The following MLIP variants were observed in gnomAD, a reference collection of about 807,000 sequenced individuals.
MLIP encodes muscular LMNA interacting protein, also known as muscular LMNA-interacting protein.
MLIP carries 79 observed loss-of-function variants against 84.8 expected under a neutral mutation model. That is an observed-to-expected ratio of 0.93 (90% CI 0.78 to 1.12). The LOEUF (loss-of-function observed/expected upper bound fraction) is 1.12. MLIP is among the 50% of genes most tolerant of loss of function. The probability of loss-of-function intolerance (pLI) is 0.00; values close to 1 mark genes in which losing one functional copy is unlikely to be tolerated. For missense variants in MLIP, 1,257 were observed against 1,160.6 expected (o/e 1.08, Z -1.21); for synonymous variants, 504 against 463.0 (o/e 1.09, Z -1.14).
intron 1 of MLIP, among the ~76,000 whole-genome samples, chr6:54,102,171 G>T (rs972924280): frequency 5.3e-5 from 8 of 152,132 alleles, no homozygotes; most frequent in Non-Finnish European, 8.8e-5. Context: ...TGTCTCATGT[G>T]CTGGTTGAGC....
intron 13 of MLIP, among the ~76,000 whole-genome samples, chr6:54,264,456 A>G (rs1783574047): frequency 6.6e-6 from 1 of 152,084 alleles, no homozygotes; most frequent in African/African-American, 2.4e-5. Context: ...TTGGAGCACT[A>G]TGACCTTGGG....
intron 12 of MLIP, among the ~76,000 whole-genome samples, chr6:54,255,685 T>G (rs1160748682): frequency 6.6e-6 from 1 of 152,180 alleles, no homozygotes; most frequent in African/African-American, 2.4e-5. Context: ...ACTGAATACC[T>G]GTATTAGAAA....
Position 54,179,634 on chromosome 6 carries a change from T to C in MLIP, c.2544+10062T>C, listed in dbSNP as rs1405041444. On this transcript the variant is annotated intron_variant, in intron 9 of 13. Transcript: ENST00000502396. The stretch of plus-strand genomic sequence containing the variant: ...TACTATCTTATTCATTATTTTAAAC[T>C]GATGACAACACTTGACACTAATTGC... 2.0e-5 allele frequency among the ~76,000 whole-genome samples: 3 copies of C among 152,116 alleles called. No individual in the cohort carries two copies. The East Asian group carries it at 5.8e-4, about 29-fold the overall frequency.
intron 1 of MLIP, among the ~76,000 whole-genome samples, chr6:54,022,031 A>G (rs1053367557): frequency 1.3e-5 from 2 of 152,218 alleles, no homozygotes; most frequent in African/African-American, 4.8e-5. Context: ...TTGTAACAAT[A>G]TGTTTCAATT....
intron 9 of MLIP, among the ~76,000 whole-genome samples, chr6:54,186,674 T>A (rs541264540): frequency 8.5e-5 from 13 of 152,190 alleles, no homozygotes; most frequent in Middle Eastern, 6.8e-3. Flanking sequence ...ATAAAAACCA[T>A]CAGCTTTTGT....
chr6:54,236,494 C>G (rs1781369260), intron 12 of MLIP, among the ~76,000 whole-genome samples: 1 of 152,058 alleles, frequency 6.6e-6, no homozygotes, highest in Non-Finnish European at 1.5e-5. Context: ...CCCAGCTACT[C>G]AAGAGGCTGA....
At chr6:54,054,648 A>G (rs1025858860) in intron 1 of MLIP, among the ~76,000 whole-genome samples, 11 of 152,208 alleles carry the variant, frequency 7.2e-5, no homozygotes, top group Non-Finnish European at 1.3e-4. Flanking sequence ...CATGAATAAT[A>G]TAGAAATCAT....
chr6:54,241,476 T>C (rs541127592), intron 12 of MLIP, among the ~76,000 whole-genome samples: 5 of 152,278 alleles, frequency 3.3e-5, no homozygotes, highest in African/African-American at 7.2e-5. Context: ...TCAGTATTCA[T>C]AGACTTACTG....
intron 3 of MLIP, 21 bp from the exon 4 acceptor site, chr6:54,136,694 G>A: frequency 6.9e-7 from 1 of 1,452,522 alleles, no homozygotes; most frequent in Non-Finnish European, 9.1e-7. Context: ...ATTTCAATCT[G>A]TCTATTTCTC....
intron 3 of MLIP, among the ~76,000 whole-genome samples, chr6:54,132,726 T>C (rs377048226): frequency 6.6e-6 from 1 of 152,122 alleles, no homozygotes; most frequent in Non-Finnish European, 1.5e-5. Flanking sequence ...GCTGAGACTA[T>C]AGACATTGAA....
rs763902286 is a variant in MLIP, at chr6:54,137,425, C to A, written c.1356C>A (p.Asp452Glu). 15 of 1,535,928 alleles carry A rather than the reference C, an allele frequency of 9.8e-6. No homozygotes were observed. The highest frequency in any genetic ancestry group is 7.0e-6 in the Non-Finnish European group (8 of 1,146,864). Residue 452 changes from aspartate (D) to glutamate (E), a missense_variant, in exon 4 of 14, where the codon GAC becomes GAA. By Grantham distance (45) the Asp-to-Glu change is conservative. Transcript: ENST00000502396. ...NSPASSTLTL[D>E]QKEKQTPPTP... ...CGGCCTCTTCCACGCTCACACTTGACCAAAAAGAAAAGCAGACCCCACCCA... is the reference window on the plus strand; with the variant it reads ...CGGCCTCTTCCACGCTCACACTTGAACAAAAAGAAAAGCAGACCCCACCCA...
chr6:54,215,518 T>C, intron 11 of MLIP: 1 of 497,202 alleles, frequency 2.0e-6, no homozygotes, highest in Non-Finnish European at 2.8e-6. Flanking sequence ...GTGTAAAATG[T>C]GATGATTTGA....
In MLIP at chr6:54,126,732, C is replaced by G. The variant is rs115740101; in HGVS notation, c.645+1867C>G. Among the ~76,000 whole-genome samples the G allele has an allele frequency of 2.1e-3, 325 of 151,862 alleles. 2 individuals carry two copies. Among genetic ancestry groups the G allele is most frequent in the African/African-American group, 7.5e-3 (311 of 41,352 alleles). Reference sequence around the variant, plus strand: ...TATAGTGAACTGTAATGTACAAAGTCTAAAAAAAAATTACACGATTGGGCT... The same window carrying G: ...TATAGTGAACTGTAATGTACAAAGTGTAAAAAAAAATTACACGATTGGGCT... On this transcript the variant is annotated intron_variant, in intron 3 of 13. Transcript: ENST00000502396.
At chr6:54,071,660 A>C (rs1766493053) in intron 1 of MLIP, among the ~76,000 whole-genome samples, 1 of 152,228 alleles carries the variant, frequency 6.6e-6, no homozygotes, top group South Asian at 2.1e-4. Flanking sequence ...CAGAAACATT[A>C]AGTAAACATA....
intron 9 of MLIP, among the ~76,000 whole-genome samples, chr6:54,171,361 A>C (rs1378167434): frequency 6.6e-6 from 1 of 151,796 alleles, no homozygotes; most frequent in South Asian, 2.1e-4. Flanking sequence ...GACCTTAATT[A>C]AAATTCGTTT....
chr6:54,092,577 C>A (rs1003795812), intron 1 of MLIP, among the ~76,000 whole-genome samples: 2 of 150,584 alleles, frequency 1.3e-5, no homozygotes, highest in Non-Finnish European at 3.0e-5. Flanking sequence ...ATAATTATAC[C>A]CACAATATAG....
intron 12 of MLIP, among the ~76,000 whole-genome samples, chr6:54,246,601 T>C (rs2150853527): frequency 6.6e-6 from 1 of 152,256 alleles, no homozygotes; most frequent in South Asian, 2.1e-4. Flanking sequence ...TACCTGAGAT[T>C]ATCTCGCTAC....
chr6:54,148,818 G>A (rs958157984), intron 4 of MLIP, among the ~76,000 whole-genome samples: 2 of 152,104 alleles, frequency 1.3e-5, no homozygotes, highest in Admixed American at 6.6e-5. Context: ...AAATGGAGTG[G>A]CATATAGTTG....
At chr6:54,246,423 C>T (rs1158809734) in intron 12 of MLIP, among the ~76,000 whole-genome samples, 1 of 151,926 alleles carries the variant, frequency 6.6e-6, no homozygotes, top group African/African-American at 2.4e-5. Flanking sequence ...TCTTGAATTC[C>T]ATTTTTAAGA....
Sources: gnomAD v4.1 joint callset for allele counts (sites outside exome capture counted in the v4.1 genomes callset) on GRCh38, gnomAD v4.1.1 for gene constraint, MANE v1.5 for transcripts, NCBI Gene and HGNC (gene_info 2026-07-23, HGNC 2026-07-21) for gene names.